Variants in AP3S1 observed in about 807,000 individuals in gnomAD.
The protein encoded by AP3S1 is adaptor related protein complex 3 subunit sigma 1, also known as AP-3 complex subunit sigma-1.
Under a neutral mutation model 21.3 loss-of-function variants are expected in AP3S1, and 12 were observed. That is an observed-to-expected ratio of 0.56 (90% CI 0.36 to 0.91). AP3S1 has a LOEUF of 0.91. Ranked by LOEUF, AP3S1 falls within the 40% of genes least tolerant of loss-of-function variation. The pLI is 0.01. For missense variants in AP3S1, 116 were observed against 225.0 expected (o/e 0.52, Z 3.10); for synonymous variants, 48 against 78.4 (o/e 0.61, Z 2.05).
At chr5:115,912,907 G>A (rs532802856) in intron 5 of AP3S1, among the ~76,000 whole-genome samples, 69 of 152,140 alleles carry the variant, frequency 4.5e-4, no homozygotes, top group African/African-American at 1.5e-3. Flanking sequence ...AATTAAACAA[G>A]CACAATCTAT....
At chr5:115,858,170 A>C (rs989250697) in intron 1 of AP3S1, among the ~76,000 whole-genome samples, 1 of 152,212 alleles carries the variant, frequency 6.6e-6, no homozygotes, top group Middle Eastern at 3.4e-3. Context: ...TTTGTTTACT[A>C]TCCTGCCATG....
chr5:115,868,251 A>G (rs1747874411), intron 2 of AP3S1, among the ~76,000 whole-genome samples: 1 of 152,204 alleles, frequency 6.6e-6, no homozygotes, highest in Non-Finnish European at 1.5e-5. Context: ...TATATTCTTC[A>G]GAAGTTTGCT....
At chr5:115,901,776 A>G (rs1212638086) in intron 4 of AP3S1, among the ~76,000 whole-genome samples, 1 of 152,014 alleles carries the variant, frequency 6.6e-6, no homozygotes, top group Non-Finnish European at 1.5e-5. Context: ...TGATCTGTCC[A>G]CCTTGTCCTC....
intron 1 of AP3S1, among the ~76,000 whole-genome samples, chr5:115,864,099 T>G (rs867158112): frequency 3.9e-5 from 6 of 152,194 alleles, no homozygotes; most frequent in African/African-American, 1.4e-4. Flanking sequence ...AACTCTACTG[T>G]TTTGTGCAAA....
At chr5:115,859,433 A>G (rs1472311306) in intron 1 of AP3S1, among the ~76,000 whole-genome samples, 1 of 152,202 alleles carries the variant, frequency 6.6e-6, no homozygotes, top group African/African-American at 2.4e-5. Context: ...TATTTTTAAC[A>G]ACCTGATCAT....
intron 1 of AP3S1, among the ~76,000 whole-genome samples, chr5:115,863,919 C>T (rs960009669): frequency 6.6e-6 from 1 of 151,264 alleles, no homozygotes; most frequent in African/African-American, 2.5e-5. Flanking sequence ...CAGACGAGTT[C>T]CCAGGCACCA....
rs116487295 is a variant in AP3S1 at position 115,861,291 on chromosome 5, T to C, written c.70-5379T>C. 3.1e-3 allele frequency among the ~76,000 whole-genome samples: 470 copies of C among 152,030 alleles called. 1 individual carries two copies. Among genetic ancestry groups the C allele is most frequent in the African/African-American group, 0.01 (435 of 41,464 alleles). On this transcript the variant is annotated intron_variant, in intron 1 of 5. Transcript: ENST00000316788. ...AGTGGGAAAATGTGAAGAAGGTGAA[T>C]GGTAAGAAGTTCAATGTGGCTGGAG...
intron 3 of AP3S1, among the ~76,000 whole-genome samples, chr5:115,870,899 T>A (rs2112841937): frequency 6.6e-6 from 1 of 152,318 alleles, no homozygotes; most frequent in South Asian, 2.1e-4. Context: ...ACAAAGGACC[T>A]TATTACTAAT....
At chr5:115,889,996 CAT>C (rs577522797) in intron 3 of AP3S1, among the ~76,000 whole-genome samples, 83 of 152,210 alleles carry the variant, frequency 5.5e-4, no homozygotes, top group African/African-American at 1.9e-3. Flanking sequence ...AGATGGATAA[CAT>C]AAGGTGGTGA....
At chr5:115,880,574 A>G (rs1229048391) in intron 3 of AP3S1, among the ~76,000 whole-genome samples, 1 of 152,074 alleles carries the variant, frequency 6.6e-6, no homozygotes, top group Non-Finnish European at 1.5e-5. Flanking sequence ...TCTGTTCATT[A>G]TGATTTCTGT....
chr5:115,895,407 A>T (rs191701378), intron 4 of AP3S1, among the ~76,000 whole-genome samples: 1 of 152,202 alleles, frequency 6.6e-6, no homozygotes, highest in Non-Finnish European at 1.5e-5. Flanking sequence ...TAGCATGTTA[A>T]TGGGGACACA....
At chr5:115,842,129 T>A (rs1761616339) in intron 1 of AP3S1, 23 bp downstream of exon 1, 3 of 1,536,168 alleles carry the variant, frequency 2.0e-6, no homozygotes, top group Non-Finnish European at 1.8e-6. Context: ...CCGCCGCTGA[T>A]CCGGGCGAGG....
At chr5:115,883,723 A>G (rs1241175874) in intron 3 of AP3S1, among the ~76,000 whole-genome samples, 2 of 152,192 alleles carry the variant, frequency 1.3e-5, no homozygotes, top group Admixed American at 6.5e-5. Context: ...CAATCATACC[A>G]TATTCAACTA....
At chr5:115,849,703 TC>T (rs1762300992) in intron 1 of AP3S1, among the ~76,000 whole-genome samples, 1 of 152,196 alleles carries the variant, frequency 6.6e-6, no homozygotes, top group Admixed American at 6.5e-5. Flanking sequence ...TACTTTCTTC[TC>T]TACCCAGTTA....
At chr5:115,899,940 A>G (rs1751067707) in intron 4 of AP3S1, among the ~76,000 whole-genome samples, 1 of 152,184 alleles carries the variant, frequency 6.6e-6, no homozygotes, top group Non-Finnish European at 1.5e-5. Context: ...TATAAATAAT[A>G]ATAAAGTCAT....
At chr5:115,889,539 G>T (rs966910920) in intron 3 of AP3S1, among the ~76,000 whole-genome samples, 14 of 152,210 alleles carry the variant, frequency 9.2e-5, no homozygotes, top group Non-Finnish European at 2.1e-4. Context: ...CTACAAAGAA[G>T]AAAACTGAAA....
At chr5:115,911,619 C>A (rs1374502443) in intron 5 of AP3S1, among the ~76,000 whole-genome samples, 5 of 151,976 alleles carry the variant, frequency 3.3e-5, no homozygotes, top group African/African-American at 4.8e-5. Flanking sequence ...TAAAAGAAAG[C>A]CAAAAGATGG....
chr5:115,852,825 T>A (rs1278827581), intron 1 of AP3S1, among the ~76,000 whole-genome samples: 1 of 152,168 alleles, frequency 6.6e-6, no homozygotes, highest in African/African-American at 2.4e-5. Context: ...AATAATATTT[T>A]AGTATGGGGA....
At chr5:115,879,355 A>G (rs903915408) in intron 3 of AP3S1, among the ~76,000 whole-genome samples, 9 of 152,160 alleles carry the variant, frequency 5.9e-5, no homozygotes, top group African/African-American at 1.2e-4. Flanking sequence ...AGCTCTTATT[A>G]TTTTGAGATA....
Sources: gnomAD v4.1 joint callset for allele counts (sites outside exome capture counted in the v4.1 genomes callset) on GRCh38, gnomAD v4.1.1 for gene constraint, MANE v1.5 for transcripts, NCBI Gene and HGNC (gene_info 2026-07-23, HGNC 2026-07-21) for gene names.